The following RAB11FIP3 variants were observed in gnomAD, a reference collection of about 807,000 sequenced individuals.
RAB11FIP3 encodes the protein RAB11 family interacting protein 3.
In RAB11FIP3, 17 loss-of-function variants were observed where a neutral mutation model predicts 77.8. The observed-to-expected ratio is 0.22, with a 90% CI of 0.15 to 0.33. The LOEUF is 0.33. Among genes scored for constraint, RAB11FIP3 ranks in the 10% least tolerant of loss-of-function variants. RAB11FIP3 has a pLI of 1.00. For missense variants in RAB11FIP3, 1,005 were observed against 1,011.2 expected (o/e 0.99, Z 0.08); for synonymous variants, 437 against 448.2 (o/e 0.98, Z 0.31).
rs1197527741 is a variant in RAB11FIP3, at chr16:496,466, G to A, written c.1266-358G>A. Among the ~76,000 whole-genome samples the A allele has an allele frequency of 2.6e-5, 4 of 152,340 alleles. 1 individual carries two copies. Among genetic ancestry groups the A allele is most frequent in the South Asian group, 4.1e-4 (2 of 4,830 alleles). The stretch of plus-strand genomic sequence containing the variant: ...GGCCTGGGTCACTTTTCACTTGGGG[G>A]CCTCCGAAGGCCAAGCGTTTGGGGG... On this transcript the variant is annotated intron_variant, in intron 5 of 13. Coordinates refer to ENST00000262305, the MANE Select transcript of RAB11FIP3 (RefSeq NM_014700.4).
rs916262550 is a variant in RAB11FIP3 at position 514,010 on chromosome 16, A to T, written c.1640+3210A>T. On this transcript the variant is annotated intron_variant, in intron 9 of 13. Coordinates refer to ENST00000262305, the MANE Select transcript of RAB11FIP3 (RefSeq NM_014700.4). This position sits in a 1 kb window ranked among gnomAD's most constrained non-coding sequence, Gnocchi z 4.6. ...GAGGTTGGGGCACAGCCGTGTGGAC[A>T]TCCTGCCGCCTCTGTGTGCTCTGGT... Among the ~76,000 whole-genome samples, 5 of 152,204 alleles carry T rather than the reference A, an allele frequency of 3.3e-5. No individual in the cohort carries two copies. Among genetic ancestry groups the T allele is most frequent in the Non-Finnish European group, 7.3e-5 (5 of 68,034 alleles).
rs888123415 is a variant in RAB11FIP3, at chr16:507,741, G to A, written c.1499+2114G>A. ...TCACCTCCAACGTCCTAAACAACAC[G>A]TTTCCCGTTTTCAGTATCATCTGCC... On this transcript the variant is annotated intron_variant, in intron 8 of 13. Coordinates refer to ENST00000262305, the MANE Select transcript of RAB11FIP3 (RefSeq NM_014700.4). The surrounding 1 kb of genome is among the most constrained non-coding windows in gnomAD (Gnocchi z 4.6). Among the ~76,000 whole-genome samples, 1 of 152,182 alleles carries A rather than the reference G, an allele frequency of 6.6e-6. No homozygotes were observed. Among genetic ancestry groups the A allele is most frequent in the African/African-American group, 2.4e-5 (1 of 41,426 alleles).
chr16:465,194 G>A (rs1005508577), intron 2 of RAB11FIP3, among the ~76,000 whole-genome samples: 2 of 151,960 alleles, frequency 1.3e-5, no homozygotes, highest in Non-Finnish European at 2.9e-5. Context: ...TCACTCTTAA[G>A]TCAAGAATTA....
chr16:507,846 C>T lies in RAB11FIP3; in HGVS notation c.1499+2219C>T, dbSNP rs893418297. ...CGTTTCCCGTTTTCAGTATCATCTG[C>T]CCGTTCTGAGCCATTTGCTCTCTAG... On this transcript the variant is annotated intron_variant, in intron 8 of 13. Coordinates refer to ENST00000262305, the MANE Select transcript of RAB11FIP3 (RefSeq NM_014700.4). The surrounding 1 kb of genome is among the most constrained non-coding windows in gnomAD (Gnocchi z 4.6). Among the ~76,000 whole-genome samples the T allele has an allele frequency of 2.6e-5, 4 of 152,154 alleles. No individual in the cohort carries two copies. Among genetic ancestry groups the T allele is most frequent in the Non-Finnish European group, 5.9e-5 (4 of 68,022 alleles).
rs2056136333 is a variant in RAB11FIP3 at position 485,501 on chromosome 16, C to T, written c.1115+2765C>T. 7.9e-5 allele frequency among the ~76,000 whole-genome samples: 12 copies of T among 152,274 alleles called. 1 individual carries two copies. The South Asian group carries it at 2.5e-3, about 32-fold the overall frequency. On this transcript the variant is annotated intron_variant, in intron 4 of 13. Transcript: ENST00000262305. ...CATCTTGGCTGACTGCAACCTCTGC[C>T]TCCCAGGCTCAAGTGATTCTCCTGC...
chr16:499,326 T>C (rs913884903), intron 6 of RAB11FIP3, among the ~76,000 whole-genome samples: 1 of 152,232 alleles, frequency 6.6e-6, no homozygotes, highest in Admixed American at 6.5e-5. Context: ...TCAAGTCTTT[T>C]ACTCCAGACA....
At chr16:465,213 A>G (rs1001610800) in intron 2 of RAB11FIP3, among the ~76,000 whole-genome samples, 6 of 152,076 alleles carry the variant, frequency 3.9e-5, no homozygotes, top group Non-Finnish European at 7.4e-5. Context: ...TACTGGATGC[A>G]GGCTTCTAGG....
chr16:431,665 GCAC>G (rs1175873393), intron 1 of RAB11FIP3, among the ~76,000 whole-genome samples: 11 of 152,016 alleles, frequency 7.2e-5, no homozygotes, highest in Admixed American at 2.6e-4. Flanking sequence ...GTGAGCCACC[GCAC>G]CTGGCCCAGA....
In RAB11FIP3 at chr16:520,831, G is replaced by A. The variant is rs1212245166; in HGVS notation, c.2263G>A (p.Val755Ile). 6.2e-7 allele frequency: 1 copy of A among 1,613,392 alleles called. No individual in the cohort carries two copies. The highest frequency in any genetic ancestry group is 2.2e-5 in the East Asian group (1 of 44,884). The change falls in exon 14 of 14, where the codon GTC becomes ATC. Residue 755 changes from valine (V) to isoleucine (I), a missense_variant. Val to Ile is a conservative substitution (Grantham distance 29). Coordinates refer to ENST00000262305, the MANE Select transcript of RAB11FIP3 (RefSeq NM_014700.4). ...GGAGACCAACCCGTCCATCCTGGAG[G>A]TCAAGTAGAGGCAGGAAGGTCCAGC... is the stretch of plus-strand genomic sequence containing the variant. ...IMETNPSILE[V>I]K
intron 3 of RAB11FIP3, chr16:475,061 G>C: frequency 6.4e-7 from 1 of 1,551,642 alleles, no homozygotes; most frequent in Non-Finnish European, 8.7e-7. Flanking sequence ...TACAGAGCCA[G>C]GCCCAGCCTG....
chr16:469,685 C>T (rs1218764225), intron 2 of RAB11FIP3, among the ~76,000 whole-genome samples: 2 of 152,150 alleles, frequency 1.3e-5, no homozygotes, highest in African/African-American at 2.4e-5. Flanking sequence ...CCACCACACC[C>T]GGCCTTATCT....
intron 1 of RAB11FIP3, among the ~76,000 whole-genome samples, chr16:445,314 C>T (rs989360377): frequency 2.0e-5 from 3 of 150,836 alleles, no homozygotes; most frequent in African/African-American, 7.4e-5. Flanking sequence ...TGGCAAGTGC[C>T]TGTAGTTTCA....
chr16:520,330 A>T, intron 12 of RAB11FIP3, 53 bp downstream of exon 12: 1 of 1,559,256 alleles, frequency 6.4e-7, no homozygotes, highest in African/African-American at 1.4e-5. Context: ...CTTCCACAAG[A>T]CTGGTTGGGA....
intron 9 of RAB11FIP3, among the ~76,000 whole-genome samples, chr16:518,087 G>A (rs977798390): frequency 6.6e-6 from 1 of 152,140 alleles, no homozygotes; most frequent in Non-Finnish European, 1.5e-5. Flanking sequence ...CTCAAAATAA[G>A]TAAATAAATA....
intron 3 of RAB11FIP3, chr16:474,819 C>T: frequency 2.8e-6 from 4 of 1,413,566 alleles, no homozygotes; most frequent in African/African-American, 1.4e-5. Flanking sequence ...ACTTTGCCTT[C>T]CCCTCCCTGG....
At chr16:486,524 G>A (rs1397928759) in intron 4 of RAB11FIP3, among the ~76,000 whole-genome samples, 1 of 152,176 alleles carries the variant, frequency 6.6e-6, no homozygotes, top group African/African-American at 2.4e-5. Context: ...ACTCTTTTGG[G>A]GGACACACAT....
At chr16:474,351 G>A (rs1255693985) in intron 3 of RAB11FIP3, among the ~76,000 whole-genome samples, 3 of 152,184 alleles carry the variant, frequency 2.0e-5, no homozygotes, top group African/African-American at 4.8e-5. Flanking sequence ...AGTCATGGCC[G>A]AGCTAGTGGG....
intron 2 of RAB11FIP3, among the ~76,000 whole-genome samples, chr16:468,838 T>C (rs2055762171): frequency 6.6e-6 from 1 of 152,182 alleles, no homozygotes; most frequent in South Asian, 2.1e-4. Flanking sequence ...GAGAATGGTA[T>C]TTAGGTCCTA....
chr16:428,156 C>T (rs117252538), intron 1 of RAB11FIP3, among the ~76,000 whole-genome samples: 2 of 151,988 alleles, frequency 1.3e-5, no homozygotes, highest in East Asian at 3.9e-4. Flanking sequence ...AATCAGGGTT[C>T]CTTGCTGAGT....
Sources: allele counts gnomAD v4.1 joint callset (sites outside exome capture counted in the v4.1 genomes callset), GRCh38; gene constraint gnomAD v4.1.1; non-coding constraint Gnocchi (gnomAD v3.1); transcripts MANE v1.5; gene names NCBI Gene and HGNC (gene_info 2026-07-23, HGNC 2026-07-21).